UTP6: variants seen among roughly 807,000 people sequenced by gnomAD.
The protein encoded by UTP6 is UTP6 small subunit processome component.
UTP6 carries 60 observed loss-of-function variants against 96.5 expected under a neutral mutation model. The ratio of observed to expected loss-of-function variants is 0.62; its 90% CI spans 0.51 to 0.77. UTP6 has a LOEUF of 0.77. UTP6 is among the 30% of genes least tolerant of loss of function. The pLI, the probability that UTP6 is intolerant of heterozygous loss-of-function variation, is 0.00. For synonymous variants in UTP6, 215 were observed against 240.1 expected (o/e 0.90, Z 0.96); for missense variants, 637 against 706.5 (o/e 0.90, Z 1.12).
rs145658456 is a variant in UTP6, at chr17:31,875,834, A to G, written c.1126-421T>C. Among the ~76,000 whole-genome samples the G allele has an allele frequency of 2.6e-3, 402 of 151,882 alleles. 4 individuals are homozygous for G. The highest frequency in any genetic ancestry group is 4.0e-3 in the African/African-American group (168 of 41,504). ...CAACTCTATCTCAAAAAAAAAAAAA[A>G]AAAAGAAAAGAAATGAGCTATGTGA... On this transcript the variant is annotated intron_variant, in intron 13 of 18. Coordinates refer to ENST00000261708, the MANE Select transcript of UTP6 (RefSeq NM_018428.3).
chr17:31,876,674 C>T (rs1910519836), intron 13 of UTP6, among the ~76,000 whole-genome samples: 2 of 151,454 alleles, frequency 1.3e-5, no homozygotes, highest in Admixed American at 6.6e-5. Context: ...AAAAACAAAA[C>T]AGTTCACTAT....
intron 2 of UTP6, among the ~76,000 whole-genome samples, chr17:31,898,647 T>A (rs1195581527): frequency 6.6e-6 from 1 of 152,154 alleles, no homozygotes; most frequent in African/African-American, 2.4e-5. Flanking sequence ...GCGGTGAGCG[T>A]GAGCAGAGAC....
chr17:31,886,448 G>C (rs1302904074), intron 8 of UTP6: 1 of 157,160 alleles, frequency 6.4e-6, no homozygotes, highest in African/African-American at 2.4e-5. Context: ...CGGATCACTT[G>C]AGATCAGGAG....
chr17:31,864,907 T>A (rs1003599939), intron 18 of UTP6, among the ~76,000 whole-genome samples: 2 of 151,882 alleles, frequency 1.3e-5, no homozygotes, highest in African/African-American at 4.8e-5. Flanking sequence ...GAACTTATGA[T>A]CCTGAAATGA....
chr17:31,870,542 G>C (rs931875771), intron 16 of UTP6, among the ~76,000 whole-genome samples: 6 of 145,088 alleles, frequency 4.1e-5, no homozygotes, highest in Non-Finnish European at 7.5e-5. Flanking sequence ...TTTTTTTTGA[G>C]ACGGAGTCTT....
chr17:31,898,240 T>TA (rs1198632788), intron 2 of UTP6, among the ~76,000 whole-genome samples: 4 of 152,114 alleles, frequency 2.6e-5, no homozygotes, highest in Non-Finnish European at 4.4e-5. Flanking sequence ...TTAATTTTTT[T>TA]AAAAAACTGA....
rs142869504 is a variant in UTP6, at chr17:31,863,382, T to C, written c.1771A>G (p.Met591Val). 9.3e-6 allele frequency: 15 copies of C among 1,614,044 alleles called. No individual in the cohort carries two copies. The highest frequency in any genetic ancestry group is 1.7e-4 in the Middle Eastern group (1 of 6,022). The change falls in exon 19 of 19, where the codon ATG becomes GTG. Residue 591 changes from methionine (M) to valine (V), a missense_variant. By Grantham distance (21) the Met-to-Val change is conservative. Coordinates refer to ENST00000261708, the MANE Select transcript of UTP6 (RefSeq NM_018428.3). ...SAEAFVAKHA[M>V]HQTGHL is the part of the protein sequence containing the mutation. The stretch of plus-strand genomic sequence containing the variant: ...CTTCATAAATGGCCAGTCTGATGCA[T>C]AGCATGTTTAGCTACAAATGCCTCT...
chr17:31,887,376 G>T (rs888326669), intron 7 of UTP6, 63 bp from the exon 8 acceptor site: 12 of 1,374,384 alleles, frequency 8.7e-6, no homozygotes, highest in East Asian at 2.4e-5. Context: ...TTGAGACAGG[G>T]TCTTGCTCTG....
rs762740133 is a variant in UTP6, at chr17:31,901,493, C to T, written c.92+43G>A. On this transcript the variant is annotated intron_variant, in intron 1 of 18. Transcript: ENST00000261708. ...CCCTGCCACACACTCCCAACCTCCCCTCAGGCCGCCTCAGCTCTTCCCTCT... is the reference window on the plus strand; with the variant it reads ...CCCTGCCACACACTCCCAACCTCCCTTCAGGCCGCCTCAGCTCTTCCCTCT... The T allele has an allele frequency of 1.1e-5, 17 of 1,603,654 alleles. No individual in the cohort carries two copies. The African/African-American group carries it at 2.3e-4, about 21-fold the overall frequency.
At chr17:31,900,491 C>A (rs537446828) in intron 1 of UTP6, among the ~76,000 whole-genome samples, 290 of 152,186 alleles carry the variant, frequency 1.9e-3, no homozygotes, top group African/African-American at 6.4e-3. Context: ...GGGGTTTCAC[C>A]ATATTGGCCA....
intron 2 of UTP6, among the ~76,000 whole-genome samples, chr17:31,896,887 C>T (rs529363911): frequency 2.1e-4 from 32 of 152,138 alleles, no homozygotes; most frequent in Non-Finnish European, 3.8e-4. Context: ...CTGCCTGTCT[C>T]ACACGTGAGC....
intron 10 of UTP6, among the ~76,000 whole-genome samples, chr17:31,882,015 TTGTG>T (rs147671007): frequency 2.6e-5 from 4 of 151,026 alleles, no homozygotes; most frequent in East Asian, 1.9e-4. Context: ...TCATTTTCGT[TTGTG>T]TGTGTGTGTG....
At chr17:31,875,122 C>G (rs1256899514) in intron 14 of UTP6, 112 bp downstream of exon 14, 1 of 1,262,840 alleles carries the variant, frequency 7.9e-7, no homozygotes, top group African/African-American at 1.5e-5. Context: ...CACTGAATAG[C>G]AAATGCCACT....
intron 18 of UTP6, among the ~76,000 whole-genome samples, chr17:31,864,219 G>T (rs960088396): frequency 6.6e-6 from 1 of 151,992 alleles, no homozygotes; most frequent in African/African-American, 2.4e-5. Context: ...ACTCCATCTC[G>T]ACTGAAAATA....
chr17:31,892,576 A>AT (rs1480153246), intron 5 of UTP6, among the ~76,000 whole-genome samples, 171 bp downstream of exon 5: 2 of 152,214 alleles, frequency 1.3e-5, no homozygotes, highest in Non-Finnish European at 2.9e-5. Context: ...TTTCAATTGA[A>AT]TTGGAAACCA....
In UTP6 at chr17:31,861,233, CA is replaced by C. The variant is rs145368222; in HGVS notation, c.*2125del. On this transcript the variant is annotated 3_prime_UTR_variant, in exon 19 of 19. Transcript: ENST00000261708. ...TGGACCACAGAGCAAGACTCTGTCT[CA>C]AAAAAAAAAAATCACCACAAACAAG... The C allele has an allele frequency of 4.9e-4, 68 of 139,254 alleles. No homozygotes were observed. The highest frequency in any genetic ancestry group is 1.1e-3 in the Admixed American group (15 of 13,984). The allele number at this position is 139,254 out of a possible 1,614,324, so 8.6% of individuals were successfully genotyped here.
chr17:31,892,820 T>G lies in UTP6; in HGVS notation c.313-26A>C. On this transcript the variant is annotated intron_variant, in intron 4 of 18. Transcript: ENST00000261708. ...CTGCAAGAAAAGCAATGTAGTAAGC[T>G]GCCCAAATTTGACCTTTACATATAA... 1.9e-6 allele frequency: 3 copies of G among 1,613,776 alleles called. No individual in the cohort carries two copies. The South Asian group carries it at 3.3e-5, about 18-fold the overall frequency.
At chr17:31,880,856 C>T in intron 10 of UTP6, 102 bp from the exon 11 acceptor site, 4 of 1,470,514 alleles carry the variant, frequency 2.7e-6, no homozygotes, top group Admixed American at 1.8e-5. Flanking sequence ...CAGGACATCC[C>T]TGTAACAACT....
intron 13 of UTP6, among the ~76,000 whole-genome samples, chr17:31,877,842 C>G (rs1270084049): frequency 6.6e-6 from 1 of 151,922 alleles, no homozygotes; most frequent in Non-Finnish European, 1.5e-5. Flanking sequence ...TGGCATGCAC[C>G]TGTGATCCCA....
Sources: gnomAD v4.1 joint callset for allele counts (sites outside exome capture counted in the v4.1 genomes callset) on GRCh38, gnomAD v4.1.1 for gene constraint, MANE v1.5 for transcripts, NCBI Gene and HGNC (gene_info 2026-07-23, HGNC 2026-07-21) for gene names.